Variants in NOX3 observed in about 807,000 individuals in gnomAD.
NOX3 encodes the protein NADPH oxidase 3, also known as NADPH oxidase catalytic subunit-like 3.
Under a neutral mutation model 76.7 loss-of-function variants are expected in NOX3, and 74 were observed. The ratio of observed to expected loss-of-function variants is 0.96; its 90% CI spans 0.80 to 1.17. The LOEUF (loss-of-function observed/expected upper bound fraction) is 1.17, where lower values mean the gene tolerates loss of function less well. NOX3 is among the 50% of genes most tolerant of loss of function. The probability of loss-of-function intolerance (pLI) is 0.00; values close to 1 mark genes in which losing one functional copy is unlikely to be tolerated. For synonymous variants in NOX3, 263 were observed against 261.1 expected (o/e 1.01, Z -0.07); for missense variants, 695 against 703.3 (o/e 0.99, Z 0.13).
chr6:155,446,578 C>T (rs530366095), intron 4 of NOX3, among the ~76,000 whole-genome samples: 3 of 152,254 alleles, frequency 2.0e-5, no homozygotes, highest in South Asian at 2.1e-4. Flanking sequence ...TTGCGTGACT[C>T]GGTGCCCCAT....
intron 4 of NOX3, among the ~76,000 whole-genome samples, chr6:155,445,438 T>C (rs1471462536): frequency 6.6e-6 from 1 of 152,154 alleles, no homozygotes; most frequent in Non-Finnish European, 1.5e-5. Flanking sequence ...GTCATTTTGG[T>C]CCCTGTGGTC....
intron 12 of NOX3, among the ~76,000 whole-genome samples, chr6:155,403,570 G>C (rs1013726369): frequency 6.6e-6 from 1 of 152,176 alleles, no homozygotes; most frequent in African/African-American, 2.4e-5. Flanking sequence ...AGGAGAGAGA[G>C]TTTGCATAGC....
chr6:155,440,145 A>AC lies in NOX3; in HGVS notation c.487-9_487-8insG. On this transcript the variant is annotated splice_polypyrimidine_tract_variant and intron_variant, in intron 5 of 13. Transcript: ENST00000159060. ...CAATTCAGTGGTTGTGTTCTAAAAA[A>AC]AACAACAACAACAAAAAAAGAAACA... 6.4e-7 allele frequency: 1 copy of AC among 1,553,032 alleles called. No homozygotes were observed. Among genetic ancestry groups the AC allele is most frequent in the Non-Finnish European group, 8.7e-7 (1 of 1,154,058 alleles).
chr6:155,453,672 C>T (rs7738198), intron 3 of NOX3, among the ~76,000 whole-genome samples, 184 bp from the exon 4 acceptor site: 2,959 of 152,246 alleles, frequency 0.019, 98 homozygotes, highest in African/African-American at 0.067. Flanking sequence ...CTTTGCTGAA[C>T]TCTCAACTCA....
chr6:155,409,200 G>A (rs529339292), intron 11 of NOX3, among the ~76,000 whole-genome samples: 39 of 152,248 alleles, frequency 2.6e-4, no homozygotes, highest in East Asian at 5.8e-4. Context: ...ATAGGACTCC[G>A]AGCAAAAAGA....
chr6:155,454,782 G>A, intron 3 of NOX3, 29 bp downstream of exon 3: 1 of 1,289,062 alleles, frequency 7.8e-7, no homozygotes. Flanking sequence ...CGTAACAGTT[G>A]AGATTATTTC....
Position 155,455,110 on chromosome 6 carries a change from T to C in NOX3, c.68A>G (p.Asn23Ser). ...GAACGTGTCAATAAACAGATAAAAA[T>C]TTATTCCCAGCCATGAGAGCTAGAG... ...TILVLSWLGI[N>S]FYLFIDTFYW... Residue 23 changes from asparagine to serine, a missense_variant, in exon 2 of 14, where the codon AAT becomes AGT. Coordinates refer to ENST00000159060, the MANE Select transcript of NOX3 (RefSeq NM_015718.3). 1 of 1,611,944 alleles carries C rather than the reference T, an allele frequency of 6.2e-7. No individual in the cohort carries two copies. Among genetic ancestry groups the C allele is most frequent in the Non-Finnish European group, 8.5e-7 (1 of 1,178,572 alleles).
chr6:155,450,389 G>A (rs562911156), intron 4 of NOX3, among the ~76,000 whole-genome samples: 2 of 152,278 alleles, frequency 1.3e-5, no homozygotes, highest in Admixed American at 1.3e-4. Context: ...ATGACTCCCT[G>A]AACAACTCAT....
intron 11 of NOX3, among the ~76,000 whole-genome samples, chr6:155,409,586 T>G (rs1252000256): frequency 2.0e-5 from 3 of 152,244 alleles, no homozygotes; most frequent in African/African-American, 7.2e-5. Flanking sequence ...CTCTTCCATC[T>G]GTCCCTTCTG....
chr6:155,421,626 C>T (rs1171684446), intron 10 of NOX3, among the ~76,000 whole-genome samples: 1 of 152,044 alleles, frequency 6.6e-6, no homozygotes, highest in Admixed American at 6.5e-5. Flanking sequence ...TGCAGTGGTG[C>T]GATCACGGCT....
rs1463078049 is a variant in NOX3 at position 155,454,825 on chromosome 6, T to A, written c.241A>T (p.Arg81Ter). 1 of 1,582,864 alleles carries A rather than the reference T, an allele frequency of 6.3e-7. No individual in the cohort carries two copies. The highest frequency in any genetic ancestry group is 8.6e-7 in the Non-Finnish European group (1 of 1,163,446). The change falls in exon 3 of 14, where the codon AGA (arginine) becomes TGA (stop). Residue 81 changes from arginine (R) to a stop codon, truncating the protein, a stop_gained. Transcript: ENST00000159060. LOFTEE classifies it high-confidence loss of function. Reference protein sequence around the residue: ...PVSRNLISFIRGTSICCRGPW... With the variant: ...PVSRNLISFI ...TTAGTACTTACAATACTTGTTCCTC[T>A]TATGAATGAAATAAGGTTTCGACTG...
chr6:155,450,232 G>A (rs1460368494), intron 4 of NOX3, among the ~76,000 whole-genome samples: 1 of 152,178 alleles, frequency 6.6e-6, no homozygotes, highest in Non-Finnish European at 1.5e-5. Flanking sequence ...ACACTTGATT[G>A]TCTCCAGGGA....
chr6:155,422,028 C>T (rs1218814922), intron 10 of NOX3, among the ~76,000 whole-genome samples: 2 of 152,208 alleles, frequency 1.3e-5, no homozygotes, highest in Non-Finnish European at 2.9e-5. Flanking sequence ...CGGCCCAGCA[C>T]CAAGCTCGTC....
Position 155,428,494 on chromosome 6 carries a change from C to G in NOX3, c.1145+300G>C, listed in dbSNP as rs188423709. On this transcript the variant is annotated intron_variant, in intron 9 of 13. Transcript: ENST00000159060. ...CCAGAGTTGTCTCACTCATTGCAGG[C>G]TGCATAGAAGTAACCAGGTGATGCT... Among the ~76,000 whole-genome samples, 275 of 152,096 alleles carry G rather than the reference C, an allele frequency of 1.8e-3. 2 individuals carry two copies. Among genetic ancestry groups the G allele is most frequent in the Admixed American group, 0.017 (259 of 15,264 alleles).
At chr6:155,441,315 A>G (rs1776982986) in intron 5 of NOX3, among the ~76,000 whole-genome samples, 1 of 152,064 alleles carries the variant, frequency 6.6e-6, no homozygotes, top group Non-Finnish European at 1.5e-5. Flanking sequence ...TTTTTTCTTC[A>G]TAGAGCAAAG....
intron 7 of NOX3, among the ~76,000 whole-genome samples, chr6:155,432,620 G>C (rs965016034): frequency 6.6e-6 from 1 of 151,992 alleles, no homozygotes; most frequent in African/African-American, 2.4e-5. Flanking sequence ...GGGTCTCTTC[G>C]CATGGTCCCT....
chr6:155,454,039 G>T (rs1382464092), intron 3 of NOX3, among the ~76,000 whole-genome samples: 1 of 152,106 alleles, frequency 6.6e-6, no homozygotes, highest in Non-Finnish European at 1.5e-5. Flanking sequence ...AGTCTATTAA[G>T]TGTGCAATAG....
At chr6:155,439,914 T>TC in intron 6 of NOX3, 42 bp downstream of exon 6, 1 of 1,559,980 alleles carries the variant, frequency 6.4e-7, no homozygotes. Context: ...TTTGGGACTC[T>TC]CAGAGATAAA....
At chr6:155,430,794 T>C (rs1263665975) in intron 8 of NOX3, 49 bp downstream of exon 8, 1 of 1,348,504 alleles carries the variant, frequency 7.4e-7, no homozygotes, top group Non-Finnish European at 1.0e-6. Context: ...TAATAAAAAA[T>C]TTTCATCTAC....
Sources: gnomAD v4.1 joint callset for allele counts (sites outside exome capture counted in the v4.1 genomes callset) on GRCh38, gnomAD v4.1.1 for gene constraint, MANE v1.5 for transcripts, NCBI Gene and HGNC (gene_info 2026-07-23, HGNC 2026-07-21) for gene names.